The following EML4 variants were observed in gnomAD, a reference collection of about 807,000 sequenced individuals.
EML4 encodes EMAP like 4.
EML4 carries 72 observed loss-of-function variants against 129.0 expected under a neutral mutation model. That is an observed-to-expected ratio of 0.56 (90% confidence interval 0.46 to 0.68). EML4 has a LOEUF of 0.68. Among genes scored for constraint, EML4 ranks in the 30% least tolerant of loss-of-function variants. EML4 has a pLI of 0.00. For synonymous variants in EML4, 532 were observed against 405.0 expected (o/e 1.31, Z -3.77); for missense variants, 1,363 against 1,190.6 (o/e 1.14, Z -2.13).
At chr2:42,300,411 CAT>C (rs1668217049) in intron 13 of EML4, among the ~76,000 whole-genome samples, 1 of 152,216 alleles carries the variant, frequency 6.6e-6, no homozygotes, top group African/African-American at 2.4e-5. Context: ...TAAAAAACCA[CAT>C]GTGTTTGCCT....
intron 3 of EML4, among the ~76,000 whole-genome samples, chr2:42,259,799 G>A (rs1463596585): frequency 3.8e-5 from 5 of 132,148 alleles, no homozygotes; most frequent in African/African-American, 5.9e-5. Flanking sequence ...GCGCAATCTC[G>A]GCTCACTGCA....
intron 13 of EML4, 70 bp downstream of exon 13, chr2:42,295,586 G>T: frequency 7.2e-7 from 1 of 1,385,480 alleles, no homozygotes. Context: ...CCATCTCTTA[G>T]ACCAGGAGAG....
chr2:42,294,860 A>G (rs759786515), intron 11 of EML4, among the ~76,000 whole-genome samples: 4 of 152,196 alleles, frequency 2.6e-5, no homozygotes, highest in African/African-American at 4.8e-5. Flanking sequence ...TGGCATGTGC[A>G]AGAAGTTAAA....
At chr2:42,323,113 C>T (rs755810103) in intron 19 of EML4, among the ~76,000 whole-genome samples, 1 of 152,162 alleles carries the variant, frequency 6.6e-6, no homozygotes, top group African/African-American at 2.4e-5. Context: ...AAGCTTTGCA[C>T]AAAGATGCAG....
intron 19 of EML4, among the ~76,000 whole-genome samples, chr2:42,319,344 A>G (rs1669404400): frequency 6.6e-6 from 1 of 152,246 alleles, no homozygotes; most frequent in Non-Finnish European, 1.5e-5. Context: ...AGTATTGAGA[A>G]ATGGCAAGTT....
At chr2:42,205,347 C>G (rs1024672228) in intron 1 of EML4, among the ~76,000 whole-genome samples, 2 of 152,106 alleles carry the variant, frequency 1.3e-5, no homozygotes, top group African/African-American at 4.8e-5. Flanking sequence ...AATAATCTGT[C>G]CTTACACATA....
chr2:42,319,540 A>C (rs10221927), intron 19 of EML4: 23,466 of 152,160 alleles, frequency 0.15, 1,878 homozygotes, highest in African/African-American at 0.19. Context: ...TCTAGCTTTC[A>C]GTTCTTGCTG....
intron 1 of EML4, among the ~76,000 whole-genome samples, chr2:42,182,745 G>A (rs1216554995): frequency 1.3e-5 from 2 of 152,220 alleles, no homozygotes; most frequent in East Asian, 3.9e-4. Flanking sequence ...AGACTGGGTG[G>A]TTTAAACAAC....
intron 1 of EML4, among the ~76,000 whole-genome samples, chr2:42,194,122 AT>A (rs1671763509): frequency 6.6e-6 from 1 of 152,222 alleles, no homozygotes; most frequent in African/African-American, 2.4e-5. Context: ...CTATATAAAT[AT>A]ACACAAAAAG....
chr2:42,285,868 G>C (rs1667277846), intron 9 of EML4: 1 of 207,864 alleles, frequency 4.8e-6, no homozygotes, highest in South Asian at 7.7e-5. Flanking sequence ...CAAAGTGCTA[G>C]GATTACCGGT....
intron 1 of EML4, among the ~76,000 whole-genome samples, chr2:42,243,148 C>A (rs758633793): frequency 6.6e-6 from 1 of 151,846 alleles, no homozygotes; most frequent in African/African-American, 2.4e-5. Context: ...TAGTATGGGG[C>A]GCAGAGGGTA....
At chr2:42,226,020 A>G (rs1349969436) in intron 1 of EML4, among the ~76,000 whole-genome samples, 1 of 151,952 alleles carries the variant, frequency 6.6e-6, no homozygotes, top group Non-Finnish European at 1.5e-5. Flanking sequence ...TTAAATAACA[A>G]ATGAGCTCTA....
intron 1 of EML4, among the ~76,000 whole-genome samples, chr2:42,197,314 T>C (rs907253540): frequency 6.6e-6 from 1 of 152,166 alleles, no homozygotes; most frequent in African/African-American, 2.4e-5. Context: ...TCCGCTTGCC[T>C]CAGCCTCCCA....
chr2:42,172,921 A>C (rs1670363031), intron 1 of EML4, among the ~76,000 whole-genome samples: 1 of 152,188 alleles, frequency 6.6e-6, no homozygotes, highest in Non-Finnish European at 1.5e-5. Context: ...ATTAACCTAG[A>C]GATTAGTCTG....
intron 1 of EML4, among the ~76,000 whole-genome samples, chr2:42,194,280 C>G (rs566751861): frequency 1.8e-4 from 27 of 146,938 alleles, no homozygotes; most frequent in African/African-American, 6.7e-4. Context: ...CTTTATATTT[C>G]TTTTCTTTTT....
chr2:42,181,330 A>G (rs1670927317), intron 1 of EML4, among the ~76,000 whole-genome samples: 1 of 151,774 alleles, frequency 6.6e-6, no homozygotes, highest in East Asian at 1.9e-4. Flanking sequence ...ACAGGGTCTC[A>G]CTCTATTGCC....
At chr2:42,251,602 A>G (rs1291639412) in intron 2 of EML4, among the ~76,000 whole-genome samples, 10 of 152,232 alleles carry the variant, frequency 6.6e-5, no homozygotes, top group Middle Eastern at 3.2e-3. Flanking sequence ...CAATCTTCTC[A>G]AAGACTGAAG....
At chr2:42,256,767 A>T (rs1302940822) in intron 3 of EML4, 137 bp downstream of exon 3, 1 of 1,107,154 alleles carries the variant, frequency 9.0e-7, no homozygotes, top group African/African-American at 1.6e-5. Context: ...AAACTGTGAA[A>T]GTAGAGACAT....
chr2:42,224,015 C>G (rs1197495403), intron 1 of EML4, among the ~76,000 whole-genome samples: 1 of 151,986 alleles, frequency 6.6e-6, no homozygotes, highest in Non-Finnish European at 1.5e-5. Context: ...GTTTTTCTTG[C>G]TTATTGAATG....
Sources: gnomAD v4.1 joint callset for allele counts (sites outside exome capture counted in the v4.1 genomes callset) on GRCh38, gnomAD v4.1.1 for gene constraint, MANE v1.5 for transcripts, NCBI Gene and HGNC (gene_info 2026-07-23, HGNC 2026-07-21) for gene names.